The following PXN variants were observed in gnomAD, a reference collection of about 807,000 sequenced individuals.
PXN encodes the protein paxillin.
Under a neutral mutation model 103.6 loss-of-function variants are expected in PXN, and 61 were observed. That is an observed-to-expected ratio of 0.59 (90% CI 0.48 to 0.73). The LOEUF (loss-of-function observed/expected upper bound fraction) is 0.73. PXN is among the 30% of genes least tolerant of loss of function. PXN has a pLI of 0.00. For missense variants in PXN, 1,274 were observed against 1,460.3 expected (o/e 0.87, Z 2.08); for synonymous variants, 562 against 607.8 (o/e 0.92, Z 1.11).
Position 120,220,729 on chromosome 12 carries a change from G to A in PXN, c.832-638C>T, listed in dbSNP as rs1884876736. On this transcript the variant is annotated intron_variant, in intron 6 of 14. Coordinates refer to ENST00000637617, the MANE Select transcript of PXN (RefSeq NM_001385981.1). The surrounding 1 kb of genome is among the most constrained non-coding windows in gnomAD (Gnocchi z 6.1). ...CTGGAGCTGGAACTATAGCACGCAA[G>A]GGTCACAGGGCCAGGCTCAACCCTC... Among the ~76,000 whole-genome samples, 1 of 152,124 alleles carries A rather than the reference G, an allele frequency of 6.6e-6. No homozygotes were observed. Among genetic ancestry groups the A allele is most frequent in the Admixed American group, 6.5e-5 (1 of 15,284 alleles).
At chr12:120,236,476 CT>C (rs1051367345) in intron 1 of PXN, among the ~76,000 whole-genome samples, 21,796 of 130,570 alleles carry the variant, frequency 0.17, 1,258 homozygotes, top group East Asian at 0.41. Context: ...CCCAGATGAT[CT>C]TTTTTTTTTT....
rs936714331 is a variant in PXN at position 120,217,275 on chromosome 12, C to T, written c.1717-159G>A. Among the ~76,000 whole-genome samples, 17 of 151,536 alleles carry T rather than the reference C, an allele frequency of 1.1e-4. No individual in the cohort carries two copies. The highest frequency in any genetic ancestry group is 1.6e-4 in the Non-Finnish European group (11 of 67,812). On this transcript the variant is annotated intron_variant, in intron 7 of 14. Coordinates refer to ENST00000637617, the MANE Select transcript of PXN (RefSeq NM_001385981.1). This position sits in a 1 kb window ranked among gnomAD's most constrained non-coding sequence, Gnocchi z 4.1. ...GGCACGGGGAGGGGGCAGATTGGACCGGTGGAGGTGGGTAGAGGCAAGGGG... is the reference window on the plus strand; with the variant it reads ...GGCACGGGGAGGGGGCAGATTGGACTGGTGGAGGTGGGTAGAGGCAAGGGG...
At chr12:120,223,899 C>G in intron 2 of PXN, 66 bp from the exon 3 acceptor site, 2 of 1,255,388 alleles carry the variant, frequency 1.6e-6, no homozygotes, top group South Asian at 2.6e-5. Flanking sequence ...CCAGGAGCAG[C>G]TCCAGTCACC....
chr12:120,265,157 G>A lies in PXN; in HGVS notation c.13+460C>T, dbSNP rs1398295339. 2.0e-5 allele frequency among the ~76,000 whole-genome samples: 3 copies of A among 151,226 alleles called. No homozygotes were observed. The highest frequency in any genetic ancestry group is 4.9e-5 in the African/African-American group (2 of 41,084). Reference sequence around the variant, plus strand: ...ACGGGGAGCAGGTCGAGGAAATGAGGGAGCAGCCCATGAGATCGGGCAGCT... The same window carrying A: ...ACGGGGAGCAGGTCGAGGAAATGAGAGAGCAGCCCATGAGATCGGGCAGCT... On this transcript the variant is annotated intron_variant, in intron 1 of 14. Transcript: ENST00000637617. The surrounding 1 kb of genome is among the most constrained non-coding windows in gnomAD (Gnocchi z 5.7).
chr12:120,215,955 G>A lies in PXN; in HGVS notation c.2302-294C>T. 2.9e-6 allele frequency: 4 copies of A among 1,384,560 alleles called. No homozygotes were observed. Among genetic ancestry groups the A allele is most frequent in the Non-Finnish European group, 1.9e-6 (2 of 1,070,142 alleles). The allele number at this position is 1,384,560 out of a possible 1,614,324, so 85.8% of individuals were successfully genotyped here. A position where few individuals can be genotyped will look rare whatever the true frequency, so the allele number is the denominator to read the frequency against. ...CGGGCGCTGGGCCTGGGGGCTGGAA[G>A]GGAGGAGACAGGTTTCTGGTCTCCC... On this transcript the variant is annotated intron_variant, in intron 9 of 14. Transcript: ENST00000637617. This position sits in a 1 kb window ranked among gnomAD's most constrained non-coding sequence, Gnocchi z 4.9.
At chr12:120,232,577 T>C (rs1223510934) in intron 1 of PXN, among the ~76,000 whole-genome samples, 2 of 152,174 alleles carry the variant, frequency 1.3e-5, no homozygotes, top group Admixed American at 6.5e-5. Flanking sequence ...AGGAGACTCA[T>C]GGGCTGGAAA....
At chr12:120,251,197 T>C (rs1377396111) in intron 1 of PXN, among the ~76,000 whole-genome samples, 1 of 149,164 alleles carries the variant, frequency 6.7e-6, no homozygotes, top group Non-Finnish European at 1.5e-5. Context: ...GGAACGAGAC[T>C]CTGTCTCAAA....
chr12:120,252,076 G>A (rs777595909), intron 1 of PXN, among the ~76,000 whole-genome samples: 2 of 152,148 alleles, frequency 1.3e-5, no homozygotes, highest in Non-Finnish European at 2.9e-5. Flanking sequence ...AACCAAGTGT[G>A]GCTGATGTCA....
In PXN at chr12:120,213,955, T is replaced by C; in HGVS notation, c.2866A>G (p.Lys956Glu). ...HEKDGKAYCR[K>E]DYFDMFAPKC... The stretch of plus-strand genomic sequence containing the variant: ...GGTGCGAACATGTCGAAGTAGTCCT[T>C]GCGACAGTAGGCCTTGCCGTCCTTC... Residue 956 changes from lysine (K) to glutamate (E), a missense_variant, in exon 14 of 15, where the codon AAG (lysine) becomes GAG (glutamate). Physicochemically the swap from Lys to Glu is moderately conservative, Grantham distance 56. This residue lies in a region of PXN where 1,178 missense variants were observed against 1,309.0 expected (regional missense o/e 0.90). Transcript: ENST00000637617. The surrounding 1 kb of genome is among the most constrained non-coding windows in gnomAD (Gnocchi z 4.2). 1 of 1,612,652 alleles carries C rather than the reference T, an allele frequency of 6.2e-7. No individual in the cohort carries two copies. Among genetic ancestry groups the C allele is most frequent in the Non-Finnish European group, 8.5e-7 (1 of 1,179,482 alleles).
intron 1 of PXN, among the ~76,000 whole-genome samples, chr12:120,261,411 G>A (rs1387714186): frequency 6.6e-6 from 1 of 152,110 alleles, no homozygotes; most frequent in Admixed American, 6.6e-5. Context: ...GGCTGGTCTT[G>A]AACTCCTGAC....
At position 120,253,749 on chromosome 12, in the gene PXN, A is replaced by G. The variant is rs376804728; in HGVS notation, c.13+11868T>C. Among the ~76,000 whole-genome samples, 52 of 152,390 alleles carry G rather than the reference A, an allele frequency of 3.4e-4. No homozygotes were observed. In the East Asian group the frequency reaches 4.8e-3, roughly 14 times the overall value. On this transcript the variant is annotated intron_variant, in intron 1 of 14. Transcript: ENST00000637617. ...TGTATATAGATACAGTGAATTATTC[A>G]GCCTTAAAAAGGGAGATTCTGCCCA...
Position 120,224,012 on chromosome 12 carries a change from AGTGGGAAGAG to A in PXN, c.240+129_240+138del. 1.2e-6 allele frequency: 1 copy of A among 804,340 alleles called. No homozygotes were observed. The highest frequency in any genetic ancestry group is 2.0e-6 in the Non-Finnish European group (1 of 512,380). The allele number at this position is 804,340 out of a possible 1,614,324, so 49.8% of individuals were successfully genotyped here. ...TGGTCACTGTTCCACTCACGTGGTG[AGTGGGAAGAG>A]CAGTGTCTGGTTGGGAAGGGTCGAC... On this transcript the variant is annotated intron_variant, in intron 2 of 14. Transcript: ENST00000637617. The surrounding 1 kb of genome is among the most constrained non-coding windows in gnomAD (Gnocchi z 5.0).
At position 120,211,628 on chromosome 12, in the gene PXN, G is replaced by A. The variant is rs1880191899; in HGVS notation, c.*686C>T. On this transcript the variant is annotated 3_prime_UTR_variant, in exon 15 of 15. Coordinates refer to ENST00000637617, the MANE Select transcript of PXN (RefSeq NM_001385981.1). ...TCTATCAAAGTCGGTACAGTGTCCA[G>A]GCACGCCGTCCCGGAGACGGAGGAA... 3.4e-6 allele frequency: 1 copy of A among 291,954 alleles called. No individual in the cohort carries two copies. Among genetic ancestry groups the A allele is most frequent in the East Asian group, 7.9e-5 (1 of 12,698 alleles). 18.1% of individuals were successfully genotyped at this position (291,954 alleles called of 1,614,324 possible).
Position 120,221,555 on chromosome 12 carries a change from T to C in PXN, c.831+68A>G. On this transcript the variant is annotated intron_variant, in intron 6 of 14. Coordinates refer to ENST00000637617, the MANE Select transcript of PXN (RefSeq NM_001385981.1). The surrounding 1 kb of genome is among the most constrained non-coding windows in gnomAD (Gnocchi z 6.6). ...GATGCCAAGATCCAGCTACCCACACTGAGGTAAGGGAGGAGAAGGATGAGG... is the reference window on the plus strand; with the variant it reads ...GATGCCAAGATCCAGCTACCCACACCGAGGTAAGGGAGGAGAAGGATGAGG... 1 of 1,471,482 alleles carries C rather than the reference T, an allele frequency of 6.8e-7. No individual in the cohort carries two copies. Among genetic ancestry groups the C allele is most frequent in the African/African-American group, 1.4e-5 (1 of 71,698 alleles). The allele number at this position is 1,471,482 out of a possible 1,614,324, so 91.2% of individuals were successfully genotyped here.
Position 120,212,512 on chromosome 12 carries a change from G to C in PXN, c.3048C>G (p.His1016Gln). The C allele has an allele frequency of 6.2e-7, 1 of 1,613,924 alleles. No individual in the cohort carries two copies. The highest frequency in any genetic ancestry group is 8.5e-7 in the Non-Finnish European group (1 of 1,179,886). The change falls in exon 15 of 15, where the codon CAC becomes CAG. Residue 1016 changes from histidine (H) to glutamine (Q), a missense_variant. This residue lies in a region of PXN where 96 missense variants were observed against 151.3 expected (regional missense o/e 0.63). Transcript: ENST00000637617. The surrounding 1 kb of genome is among the most constrained non-coding windows in gnomAD (Gnocchi z 7.2). ...EHDGQPYCEVHYHERRGSLCS... is the reference protein window; with the variant it reads ...EHDGQPYCEVQYHERRGSLCS... ...ACAGCGAGCCGCGCCGCTCGTGGTA[G>C]TGCACCTCACAGTAGGGCTGCCCGT...
At chr12:120,230,981 G>A (rs1248856611) in intron 1 of PXN, among the ~76,000 whole-genome samples, 1 of 152,166 alleles carries the variant, frequency 6.6e-6, no homozygotes, top group Non-Finnish European at 1.5e-5. Flanking sequence ...CTTGTTCGAT[G>A]CCATATCCCC....
chr12:120,261,638 T>C (rs1392261947), intron 1 of PXN, among the ~76,000 whole-genome samples: 1 of 152,186 alleles, frequency 6.6e-6, no homozygotes, highest in South Asian at 2.1e-4. Context: ...GATGACTAAA[T>C]AGGAGAGGAG....
chr12:120,216,924 A>AG lies in PXN; in HGVS notation c.1908dup (p.Ser637LeufsTer98). ...CCCTCGGTCAGCCAGTCCTGGGCAG[A>AG]GGGCCCCGCCGCCTCCGCCGGCTCC... is the stretch of plus-strand genomic sequence containing the variant. On this transcript the variant is annotated frameshift_variant, in exon 8 of 15. Transcript: ENST00000637617. LOFTEE classifies it high-confidence loss of function. This position sits in a 1 kb window ranked among gnomAD's most constrained non-coding sequence, Gnocchi z 5.1. 1 of 1,531,350 alleles carries AG rather than the reference A, an allele frequency of 6.5e-7. No individual in the cohort carries two copies. Among genetic ancestry groups the AG allele is most frequent in the Non-Finnish European group, 8.7e-7 (1 of 1,143,352 alleles). The allele number at this position is 1,531,350 out of a possible 1,614,324, so 94.9% of individuals were successfully genotyped here.
intron 1 of PXN, among the ~76,000 whole-genome samples, chr12:120,260,956 C>T (rs1893789276): frequency 6.6e-6 from 1 of 152,178 alleles, no homozygotes; most frequent in Non-Finnish European, 1.5e-5. Flanking sequence ...CTGCAAGTCC[C>T]GCTCAGCAGC....
Sources: allele counts gnomAD v4.1 joint callset (sites outside exome capture counted in the v4.1 genomes callset), GRCh38; gene constraint gnomAD v4.1.1; regional missense constraint gnomAD v4.1.1; non-coding constraint Gnocchi (gnomAD v3.1); transcripts MANE v1.5; gene names NCBI Gene and HGNC (gene_info 2026-07-23, HGNC 2026-07-21).